Variants in POM121C observed in about 807,000 individuals in gnomAD.
POM121C encodes nuclear envelope pore membrane protein POM 121C.
In POM121C, 20 loss-of-function variants were observed where a neutral mutation model predicts 66.4. That is an observed-to-expected ratio of 0.30 (90% confidence interval 0.21 to 0.44). The LOEUF (loss-of-function observed/expected upper bound fraction) is 0.44. POM121C is among the 20% of genes least tolerant of loss of function. POM121C has a pLI of 1.00. For synonymous variants in POM121C, 286 were observed against 528.0 expected, an observed-to-expected ratio of 0.54 and a Z score of 6.28; for missense variants, 580 against 1,225.7, an observed-to-expected ratio of 0.47 and a Z score of 7.87.
intron 7 of POM121C, among the ~76,000 whole-genome samples, chr7:75,435,911 C>T (rs1487684216): frequency 2.0e-5 from 3 of 152,064 alleles, no homozygotes; most frequent in Admixed American, 6.6e-5. Flanking sequence ...ATTAGCTGGG[C>T]GTGGTGGCCA....
intron 7 of POM121C, among the ~76,000 whole-genome samples, chr7:75,433,195 G>A (rs236672): frequency 0.015 from 1,768 of 119,156 alleles, 21 homozygotes; most frequent in East Asian, 0.019. Flanking sequence ...AGATCGCACC[G>A]CTGCACTCTA....
intron 5 of POM121C, among the ~76,000 whole-genome samples, chr7:75,440,404 A>G (rs1354685097): frequency 6.6e-6 from 1 of 151,348 alleles, no homozygotes; most frequent in East Asian, 2.0e-4. Flanking sequence ...TGTCTCTACT[A>G]AAAATACAAA....
intron 3 of POM121C, among the ~76,000 whole-genome samples, chr7:75,469,569 TA>T (rs1791795458): frequency 6.6e-6 from 1 of 152,178 alleles, no homozygotes; most frequent in South Asian, 2.1e-4. Flanking sequence ...GAGATCTTTT[TA>T]AAAACACTAA....
In POM121C at chr7:75,462,197, T is replaced by C. The variant is rs782306239; in HGVS notation, c.-152+12507A>G. On this transcript the variant is annotated intron_variant, in intron 3 of 14. Transcript: ENST00000615331. ...TTGCCCTATGCTGTTCTCGTGATAGTGAGGGAGTTCTCACGAGATCTGATG... is the reference window on the plus strand; with the variant it reads ...TTGCCCTATGCTGTTCTCGTGATAGCGAGGGAGTTCTCACGAGATCTGATG... Among the ~76,000 whole-genome samples the C allele has an allele frequency of 4.7e-4, 71 of 149,694 alleles. 1 individual carries two copies. Among genetic ancestry groups the C allele is most frequent in the South Asian group, 3.4e-3 (16 of 4,762 alleles).
At chr7:75,447,754 T>C (rs1554474984) in intron 3 of POM121C, among the ~76,000 whole-genome samples, 1 of 150,422 alleles carries the variant, frequency 6.6e-6, no homozygotes, top group African/African-American at 2.4e-5. Context: ...CCAGGAGCAG[T>C]GGCTCACGCC....
intron 3 of POM121C, among the ~76,000 whole-genome samples, chr7:75,452,812 A>G (rs1554475767): frequency 6.6e-6 from 1 of 152,176 alleles, no homozygotes; most frequent in African/African-American, 2.4e-5. Context: ...CTAGCCTCTC[A>G]TCTCTTCACC....
intron 12 of POM121C, among the ~76,000 whole-genome samples, 198 bp downstream of exon 12, chr7:75,423,851 C>T (rs147256747): frequency 0.067 from 10,274 of 152,222 alleles, 477 homozygotes; most frequent in Non-Finnish European, 0.1. Context: ...AGATCCTGAG[C>T]GTCGCAGCAC....
intron 13 of POM121C, chr7:75,420,344 CCTG>C (rs1789647155): frequency 6.6e-6 from 1 of 152,558 alleles, no homozygotes; most frequent in Non-Finnish European, 1.5e-5. Flanking sequence ...GCTCTCCACT[CCTG>C]CACCCCCTGA....
intron 3 of POM121C, among the ~76,000 whole-genome samples, chr7:75,456,270 A>C: frequency 6.6e-6 from 1 of 152,272 alleles, no homozygotes; most frequent in African/African-American, 2.4e-5. Flanking sequence ...TATAAACAGA[A>C]GTGAACAGGA....
intron 3 of POM121C, among the ~76,000 whole-genome samples, chr7:75,456,065 G>A (rs587672442): frequency 1.1e-4 from 16 of 152,260 alleles, no homozygotes; most frequent in Middle Eastern, 3.4e-3. Flanking sequence ...CAGAGATCTC[G>A]TCTGTACCAA....
At chr7:75,432,794 T>C (rs1197677041) in intron 7 of POM121C, among the ~76,000 whole-genome samples, 1 of 152,222 alleles carries the variant, frequency 6.6e-6, no homozygotes, top group Non-Finnish European at 1.5e-5. Context: ...CTGGGTATTA[T>C]CTGTGTTTGC....
chr7:75,429,066 C>A (rs781814556), intron 7 of POM121C, among the ~76,000 whole-genome samples: 2 of 152,012 alleles, frequency 1.3e-5, no homozygotes, highest in East Asian at 1.9e-4. Flanking sequence ...ACTTCATTGA[C>A]TGTACGTACA....
chr7:75,424,220 C>A lies in POM121C; in HGVS notation c.877G>T (p.Ala293Ser), dbSNP rs1554471367. The A allele has an allele frequency of 2.5e-6, 4 of 1,611,940 alleles. No individual in the cohort carries two copies. Among genetic ancestry groups the A allele is most frequent in the Non-Finnish European group, 3.4e-6 (4 of 1,179,846 alleles). ...NQALEDKSDAASNSVTETPPT... is the reference protein window; with the variant it reads ...NQALEDKSDASSNSVTETPPT... Reference sequence around the variant, plus strand: ...GGGGTCTCAGTGACAGAGTTCGAGGCAGCATCTAAGAAAGAAAGAAAGGTG... The same window carrying A: ...GGGGTCTCAGTGACAGAGTTCGAGGAAGCATCTAAGAAAGAAAGAAAGGTG... Residue 293 changes from alanine to serine, a missense_variant, in exon 12 of 15, where the codon GCC becomes TCC. Coordinates refer to ENST00000615331, the MANE Select transcript of POM121C (RefSeq NM_001099415.3).
chr7:75,422,021 G>C lies in POM121C; in HGVS notation c.2231C>G (p.Pro744Arg). The C allele has an allele frequency of 6.2e-7, 1 of 1,613,710 alleles. No individual in the cohort carries two copies. Among genetic ancestry groups the C allele is most frequent in the Non-Finnish European group, 8.5e-7 (1 of 1,179,732 alleles). The change falls in exon 13 of 15, where the codon CCC (proline) becomes CGC (arginine). Residue 744 changes from proline to arginine, a missense_variant. Physicochemically the swap from Pro to Arg is moderately radical, Grantham distance 103. Coordinates refer to ENST00000615331, the MANE Select transcript of POM121C (RefSeq NM_001099415.3). ...GATCGTGGACGCAGGTGCAGGTGTG[G>C]GTGCAGTAGCCGGGGCCGGGGCTGC... ...NSAAPAPATA[P>R]TPAPASTIKI...
intron 3 of POM121C, among the ~76,000 whole-genome samples, chr7:75,467,050 G>C (rs1362330046): frequency 6.6e-6 from 1 of 152,162 alleles, no homozygotes. Context: ...ATTCTCCAGG[G>C]CACAACCCCT....
chr7:75,438,302 C>T (rs1436383861), intron 6 of POM121C, among the ~76,000 whole-genome samples: 3 of 152,216 alleles, frequency 2.0e-5, no homozygotes, highest in Non-Finnish European at 4.4e-5. Flanking sequence ...TGTATTTCCT[C>T]TAACTTTCAC....
At chr7:75,467,901 G>C (rs1218723494) in intron 3 of POM121C, among the ~76,000 whole-genome samples, 2 of 151,878 alleles carry the variant, frequency 1.3e-5, no homozygotes, top group East Asian at 3.9e-4. Flanking sequence ...AGGCCAAGGT[G>C]GGCAGATCAC....
At chr7:75,469,995 C>T (rs1791808617) in intron 3 of POM121C, among the ~76,000 whole-genome samples, 1 of 152,192 alleles carries the variant, frequency 6.6e-6, no homozygotes, top group South Asian at 2.1e-4. Context: ...GAGACAGTGT[C>T]TTGCTCTGTT....
At chr7:75,463,789 T>C (rs1461613531) in intron 3 of POM121C, among the ~76,000 whole-genome samples, 88 of 152,128 alleles carry the variant, frequency 5.8e-4, no homozygotes, top group African/African-American at 2.1e-3. Flanking sequence ...ACCTCCCTGG[T>C]TCAAGCAATT....
Sources: gnomAD v4.1 joint callset for allele counts (sites outside exome capture counted in the v4.1 genomes callset) on GRCh38, gnomAD v4.1.1 for gene constraint, MANE v1.5 for transcripts, NCBI Gene and HGNC (gene_info 2026-07-23, HGNC 2026-07-21) for gene names.